The following SLC28A2 variants were observed in gnomAD, a reference collection of about 807,000 sequenced individuals.
The protein encoded by SLC28A2 is solute carrier family 28 member 2.
Under a neutral mutation model 72.9 loss-of-function variants are expected in SLC28A2, and 69 were observed. The observed-to-expected ratio is 0.95, with a 90% confidence interval of 0.78 to 1.16. SLC28A2 has a LOEUF of 1.16. Among genes scored for constraint, SLC28A2 ranks in the 50% most tolerant of loss-of-function variants. The pLI is 0.00. For synonymous variants in SLC28A2, 296 were observed against 294.1 expected (o/e 1.01, Z -0.07); for missense variants, 745 against 791.1 (o/e 0.94, Z 0.70).
Position 45,267,537 on chromosome 15 carries a change from C to G in SLC28A2, c.1025C>G (p.Ala342Gly). Residue 342 changes from alanine (A) to glycine (G), a missense_variant, in exon 11 of 18, where the codon GCC becomes GGC. Physicochemically the swap from Ala to Gly is moderately conservative, Grantham distance 60 (BLOSUM62 0). Transcript: ENST00000347644. ...EIHAVMTGGF[A>G]TISGTVLGAF... ...CATGCGGTGATGACTGGAGGGTTTG[C>G]CACCATTTCTGGCACTGTGCTGGGA... The G allele has an allele frequency of 1.9e-6, 3 of 1,614,106 alleles. No individual in the cohort carries two copies. Among genetic ancestry groups the G allele is most frequent in the Non-Finnish European group, 2.5e-6 (3 of 1,180,000 alleles).
chr15:45,263,864 T>C lies in SLC28A2; in HGVS notation c.447-17T>C. On this transcript the variant is annotated splice_polypyrimidine_tract_variant and intron_variant, in intron 5 of 17. Coordinates refer to ENST00000347644, the MANE Select transcript of SLC28A2 (RefSeq NM_004212.4). Reference sequence around the variant, plus strand: ...ATTCACTGGGTTGATGACATGGTCTTGGCATTCCTTCTTCAGGGTGTTTGC... The same window carrying C: ...ATTCACTGGGTTGATGACATGGTCTCGGCATTCCTTCTTCAGGGTGTTTGC... 6.3e-7 allele frequency: 1 copy of C among 1,598,860 alleles called. No homozygotes were observed. The highest frequency in any genetic ancestry group is 1.3e-5 in the African/African-American group (1 of 74,494).
At chr15:45,266,785 T>C (rs1900350741) in intron 10 of SLC28A2, among the ~76,000 whole-genome samples, 1 of 152,234 alleles carries the variant, frequency 6.6e-6, no homozygotes, top group African/African-American at 2.4e-5. Context: ...CTCCACATTT[T>C]GCTGAAATTA....
rs149379650 is a variant in SLC28A2, at chr15:45,267,736, C to A, written c.1139C>A (p.Ala380Glu). The stretch of plus-strand genomic sequence containing the variant: ...TGTGCTCTCGCCTCATCAAAGCTAG[C>A]GTATCCGGAAGTGGAGGAGTCCAAG... ...APCALASSKL[A>E]YPEVEESKFK... Residue 380 changes from alanine (A) to glutamate (E), a missense_variant, in exon 12 of 18, where the codon GCG becomes GAG. By Grantham distance (107) the Ala-to-Glu change is moderately radical. Coordinates refer to ENST00000347644, the MANE Select transcript of SLC28A2 (RefSeq NM_004212.4). The A allele has an allele frequency of 1.9e-6, 3 of 1,613,920 alleles. No homozygotes were observed. The African/African-American group carries it at 4.0e-5, about 22-fold the overall frequency.
intron 4 of SLC28A2, 65 bp downstream of exon 4, chr15:45,262,171 G>A: frequency 1.7e-6 from 2 of 1,164,836 alleles, no homozygotes; most frequent in African/African-American, 1.5e-5. Context: ...CTTGTGTCAA[G>A]GTGATTACCA....
chr15:45,266,256 A>C (rs1900333724), intron 10 of SLC28A2, 95 bp downstream of exon 10: 2 of 907,522 alleles, frequency 2.2e-6, no homozygotes, highest in Admixed American at 1.9e-5. Flanking sequence ...AAGTCAAATA[A>C]ATGAAGACTG....
In SLC28A2 at chr15:45,270,240, A is replaced by G; in HGVS notation, c.1612A>G (p.Asn538Asp). 6.2e-7 allele frequency: 1 copy of G among 1,613,850 alleles called. No homozygotes were observed. The highest frequency in any genetic ancestry group is 8.5e-7 in the Non-Finnish European group (1 of 1,179,706). The change falls in exon 15 of 18, where the codon AAT becomes GAT. Residue 538 changes from asparagine to aspartate, a missense_variant. Transcript: ENST00000347644. ...ITTFSLCGFA[N>D]LSSIGITLGG... ...AACATTTTCACTCTGTGGATTTGCC[A>G]ATCTTAGTTCCATAGGAATCACACT... is the stretch of plus-strand genomic sequence containing the variant.
intron 16 of SLC28A2, 99 bp downstream of exon 16, chr15:45,272,492 A>G: frequency 1.0e-6 from 1 of 960,324 alleles, no homozygotes; most frequent in Middle Eastern, 2.2e-4. Context: ...CAGGGGCAAC[A>G]AAGATTACTT....
At chr15:45,265,506 TA>T in intron 8 of SLC28A2, 76 bp from the exon 9 acceptor site, 1 of 1,011,174 alleles carries the variant, frequency 9.9e-7, no homozygotes, top group Non-Finnish European at 1.6e-6. Context: ...CTTGGAATGC[TA>T]AGAGCTTAAC....
chr15:45,268,700 A>G lies in SLC28A2; in HGVS notation c.1368+322A>G, dbSNP rs1015251337. Among the ~76,000 whole-genome samples, 3 of 152,148 alleles carry G rather than the reference A, an allele frequency of 2.0e-5. No individual in the cohort carries two copies. The East Asian group carries it at 5.8e-4, about 29-fold the overall frequency. ...CCAAAGGACTATAAATCATGCTGCT[A>G]TAAAGACACATGCACACGTATGTTT... On this transcript the variant is annotated intron_variant, in intron 13 of 17. Coordinates refer to ENST00000347644, the MANE Select transcript of SLC28A2 (RefSeq NM_004212.4).
intron 3 of SLC28A2, among the ~76,000 whole-genome samples, chr15:45,260,990 G>A (rs1900144626): frequency 6.6e-6 from 1 of 152,236 alleles, no homozygotes; most frequent in Admixed American, 6.5e-5. Context: ...GGAACTGGGA[G>A]TGTGTTAGAT....
intron 16 of SLC28A2, 29 bp from the exon 17 acceptor site, chr15:45,272,644 C>A: frequency 8.0e-7 from 1 of 1,244,328 alleles, no homozygotes; most frequent in Non-Finnish European, 1.2e-6. Context: ...TCAGATCTTC[C>A]CCTTAGTACC....
At chr15:45,268,497 C>A in intron 13 of SLC28A2, 119 bp downstream of exon 13, 2 of 832,046 alleles carry the variant, frequency 2.4e-6, no homozygotes, top group South Asian at 4.0e-5. Context: ...GAATGGCAAT[C>A]ATTAAAAAGT....
At chr15:45,265,961 G>C in intron 9 of SLC28A2, 120 bp from the exon 10 acceptor site, 1 of 765,376 alleles carries the variant, frequency 1.3e-6, no homozygotes, top group Non-Finnish European at 2.2e-6. Context: ...CCCTAGGCTT[G>C]CTGCTCTACT....
In SLC28A2 at chr15:45,265,590, C is replaced by T; in HGVS notation, c.788C>T (p.Pro263Leu). ...CTACCATTCTCATTACAGGCCTTAC[C>T]AATCATCATTTTCTTTGGATGTGTG... The part of the protein sequence containing the change: ...VKDVFAFQAL[P>L]IIIFFGCVVS... The change falls in exon 9 of 18, where the codon CCA (proline) becomes CTA (leucine). Residue 263 changes from proline to leucine, a missense_variant. Transcript: ENST00000347644. 6.2e-7 allele frequency: 1 copy of T among 1,611,822 alleles called. No homozygotes were observed. The highest frequency in any genetic ancestry group is 8.5e-7 in the Non-Finnish European group (1 of 1,177,940).
intron 1 of SLC28A2, among the ~76,000 whole-genome samples, chr15:45,252,807 C>A (rs1022737952): frequency 1.3e-5 from 2 of 152,176 alleles, no homozygotes; most frequent in Non-Finnish European, 2.9e-5. Context: ...TCTTACTCAG[C>A]AAGCTCAGTG....
At chr15:45,258,322 G>GT (rs200202870) in intron 3 of SLC28A2, among the ~76,000 whole-genome samples, 2,685 of 151,492 alleles carry the variant, frequency 0.018, 41 homozygotes, top group Non-Finnish European at 0.026. Context: ...AACTGGTACA[G>GT]TTTTTTTTGC....
At chr15:45,257,910 C>T (rs1266235387) in intron 3 of SLC28A2, among the ~76,000 whole-genome samples, 1 of 152,304 alleles carries the variant, frequency 6.6e-6, no homozygotes, top group East Asian at 1.9e-4. Flanking sequence ...CATGTATTTG[C>T]ATTAGTTTTT....
chr15:45,262,088 T>C lies in SLC28A2; in HGVS notation c.244T>C (p.Leu82=), dbSNP rs368947605. ...THASLFKKIL[L]GLLCLAYAAY... Reference sequence around the variant, plus strand: ...CGCCAGCTTGTTCAAGAAGATCCTGTTGGGCCTGTTGTGTTTGGGTGAGAT... The same window carrying C: ...CGCCAGCTTGTTCAAGAAGATCCTGCTGGGCCTGTTGTGTTTGGGTGAGAT... The change falls in exon 4 of 18, where the codon TTG becomes CTG. Residue 82 remains leucine (L), a synonymous_variant. Coordinates refer to ENST00000347644, the MANE Select transcript of SLC28A2 (RefSeq NM_004212.4). 23 of 1,610,646 alleles carry C rather than the reference T, an allele frequency of 1.4e-5. No individual in the cohort carries two copies. Among genetic ancestry groups the C allele is most frequent in the Non-Finnish European group, 2.0e-5 (23 of 1,177,016 alleles).
intron 2 of SLC28A2, 47 bp downstream of exon 2, chr15:45,253,343 T>C: frequency 6.4e-7 from 1 of 1,555,120 alleles, no homozygotes; most frequent in South Asian, 1.1e-5. Context: ...GGCTGCTGCA[T>C]GGGCTCCTGT....
Sources: allele counts gnomAD v4.1 joint callset (sites outside exome capture counted in the v4.1 genomes callset), GRCh38; gene constraint gnomAD v4.1.1; transcripts MANE v1.5; gene names NCBI Gene and HGNC (gene_info 2026-07-23, HGNC 2026-07-21).